The following PLBD2 variants were observed in gnomAD, a reference collection of about 807,000 sequenced individuals.
PLBD2 encodes the protein phospholipase B domain containing 2.
A neutral mutation model predicts 68.3 loss-of-function variants in PLBD2; 51 were observed. The ratio of observed to expected loss-of-function variants is 0.75; its 90% CI spans 0.60 to 0.94. The LOEUF is 0.94. PLBD2 is among the 40% of genes least tolerant of loss of function. PLBD2 has a pLI of 0.00. For synonymous variants in PLBD2, 314 were observed against 339.3 expected (o/e 0.93, Z 0.82); for missense variants, 729 against 792.2 (o/e 0.92, Z 0.96).
At chr12:113,382,835 T>TTTTTGTGTGTGTGTGTGTGTGTG (rs1335785271) in intron 6 of PLBD2, among the ~76,000 whole-genome samples, 2 of 106,536 alleles carry the variant, frequency 1.9e-5, no homozygotes, top group African/African-American at 7.7e-5. Context: ...TGGTGGTTTT[T>TTTTTGTGTGTGTGTGTGTGTGTG]TGTGTGTGTG....
chr12:113,372,586 G>A lies in PLBD2; in HGVS notation c.385-63G>A. ...CCGCTCTGGGGCAGCCTGGGTGGGG[G>A]GCTCTCAGGGAAGAGAGCACCCCAG... On this transcript the variant is annotated intron_variant, in intron 2 of 11. Coordinates refer to ENST00000280800, the MANE Select transcript of PLBD2 (RefSeq NM_173542.4). This position sits in a 1 kb window ranked among gnomAD's most constrained non-coding sequence, Gnocchi z 4.2. 1 of 1,544,386 alleles carries A rather than the reference G, an allele frequency of 6.5e-7. No homozygotes were observed. Among genetic ancestry groups the A allele is most frequent in the Non-Finnish European group, 8.8e-7 (1 of 1,132,134 alleles).
intron 6 of PLBD2, among the ~76,000 whole-genome samples, chr12:113,383,846 A>C (rs34591073): frequency 0.029 from 4,334 of 151,700 alleles, 86 homozygotes; most frequent in Middle Eastern, 0.092. Flanking sequence ...TAAAAATACA[A>C]AAGTTAGCCA....
At position 113,391,558 on chromosome 12, in the gene PLBD2, T is replaced by TA. The variant is rs1388141089; in HGVS notation, c.*2933dup. ...TAGATAGTAAACAAAATAAATGAAA[T>TA]ATGCAGTGTGTCAGTGCTGGTAAAC... On this transcript the variant is annotated 3_prime_UTR_variant, in exon 12 of 12. Transcript: ENST00000280800. The TA allele has an allele frequency of 1.3e-5, 2 of 152,320 alleles. No homozygotes were observed. The highest frequency in any genetic ancestry group is 4.8e-5 in the African/African-American group (2 of 41,572). 9.4% of individuals were successfully genotyped at this position (152,320 alleles called of 1,614,324 possible).
Position 113,388,801 on chromosome 12 carries a change from C to A in PLBD2, c.*175C>A. The A allele has an allele frequency of 1.7e-6, 1 of 588,948 alleles. No homozygotes were observed. The allele number at this position is 588,948 out of a possible 1,614,324, so 36.5% of individuals were successfully genotyped here. ...CGAACCTGATGGGGCTCAGAACTGA[C>A]CCCCTCTCTCCCCCGAGGTGGGTGG... On this transcript the variant is annotated 3_prime_UTR_variant, in exon 12 of 12. Transcript: ENST00000280800.
At chr12:113,373,390 G>C (rs1386648582) in intron 3 of PLBD2, among the ~76,000 whole-genome samples, 3 of 152,226 alleles carry the variant, frequency 2.0e-5, no homozygotes, top group African/African-American at 7.2e-5. Flanking sequence ...GGCTGTCTCT[G>C]TAAAGTGGCC....
At position 113,384,123 on chromosome 12, in the gene PLBD2, A is replaced by AT; in HGVS notation, c.978dup (p.Gly327TrpfsTer49). ...CCCACAGGTGACACTGGAGACCACCATTGGCAACAAGAACCCAGCCCTGTG... is the reference window on the plus strand; with the variant it reads ...CCCACAGGTGACACTGGAGACCACCATTTGGCAACAAGAACCCAGCCCTGTG... On this transcript the variant is annotated frameshift_variant, in exon 7 of 12. Transcript: ENST00000280800. This position sits in a 1 kb window ranked among gnomAD's most constrained non-coding sequence, Gnocchi z 4.2. The AT allele has an allele frequency of 6.2e-7, 1 of 1,610,806 alleles. No homozygotes were observed. The highest frequency in any genetic ancestry group is 1.3e-5 in the African/African-American group (1 of 74,940).
chr12:113,386,168 G>A (rs1022793382), intron 9 of PLBD2, among the ~76,000 whole-genome samples: 9 of 151,818 alleles, frequency 5.9e-5, no homozygotes, highest in Admixed American at 5.9e-4. Flanking sequence ...GTCATAGTTG[G>A]TTTTGTTGTT....
At chr12:113,366,532 A>G (rs986888884) in intron 1 of PLBD2, among the ~76,000 whole-genome samples, 2 of 151,780 alleles carry the variant, frequency 1.3e-5, no homozygotes, top group Non-Finnish European at 2.9e-5. Flanking sequence ...GCTGGAGTGC[A>G]GTGGAATGAT....
Position 113,387,835 on chromosome 12 carries a change from C to T in PLBD2, c.1531C>T (p.Leu511Phe). The T allele has an allele frequency of 1.2e-6, 2 of 1,614,244 alleles. No individual in the cohort carries two copies. Among genetic ancestry groups the T allele is most frequent in the African/African-American group, 1.3e-5 (1 of 75,074 alleles). Residue 511 changes from leucine (L) to phenylalanine (F), a missense_variant, in exon 11 of 12, where the codon CTC (leucine) becomes TTC (phenylalanine). Physicochemically the swap from Leu to Phe is conservative, Grantham distance 22. Coordinates refer to ENST00000280800, the MANE Select transcript of PLBD2 (RefSeq NM_173542.4). ...GAATGCTATCTCCGCCCGCTCCGAC[C>T]TCAACCCGGCCAATGGCTCCTACCC... Reference protein sequence around the residue: ...GENAISARSDLNPANGSYPFQ... With the variant: ...GENAISARSDFNPANGSYPFQ...
chr12:113,369,045 A>T, intron 1 of PLBD2, 71 bp from the exon 2 acceptor site: 1 of 1,032,136 alleles, frequency 9.7e-7, no homozygotes. Context: ...TTCATAGTTT[A>T]AGCCTGGAGA....
intron 1 of PLBD2, among the ~76,000 whole-genome samples, chr12:113,367,510 G>A (rs1957350837): frequency 6.6e-6 from 1 of 152,130 alleles, no homozygotes; most frequent in African/African-American, 2.4e-5. Context: ...ATCACTTTGG[G>A]AGGCCGAGGC....
At chr12:113,366,854 C>G (rs1957346759) in intron 1 of PLBD2, among the ~76,000 whole-genome samples, 1 of 150,858 alleles carries the variant, frequency 6.6e-6, no homozygotes, top group Admixed American at 6.6e-5. Context: ...CAGAGTCATG[C>G]TCTGTCACCC....
intron 1 of PLBD2, 38 bp downstream of exon 1, chr12:113,358,928 G>C: frequency 2.7e-6 from 4 of 1,481,656 alleles, no homozygotes; most frequent in Non-Finnish European, 3.6e-6. Flanking sequence ...GCCATCGGGG[G>C]AGGGGGATGC....
rs141116546 is a variant in PLBD2 at position 113,380,733 on chromosome 12, C to G, written c.860-12C>G. 360 of 1,547,152 alleles carry G rather than the reference C, an allele frequency of 2.3e-4. No individual in the cohort carries two copies. In the African/African-American group the frequency reaches 4.4e-3, roughly 19 times the overall value. The stretch of plus-strand genomic sequence containing the variant: ...GTCTGACCAGCATCCCTGGCTCGCT[C>G]TGCCTGCACAGGGGACTACCCGCTG... On this transcript the variant is annotated splice_polypyrimidine_tract_variant and intron_variant, in intron 5 of 11. Transcript: ENST00000280800.
At chr12:113,386,801 G>A (rs1467941240) in intron 9 of PLBD2, 136 bp from the exon 10 acceptor site, 1 of 1,007,900 alleles carries the variant, frequency 9.9e-7, no homozygotes, top group East Asian at 3.0e-5. Context: ...TTACAGGTGT[G>A]AGCCACTGCA....
chr12:113,385,132 T>TC, intron 8 of PLBD2, 80 bp from the exon 9 acceptor site: 2 of 1,470,358 alleles, frequency 1.4e-6, no homozygotes, highest in Non-Finnish European at 1.9e-6. Flanking sequence ...TGGGGAGCCA[T>TC]CGGGGCTCCC....
chr12:113,387,037 CG>C lies in PLBD2; in HGVS notation c.1389del (p.Arg464GlyfsTer15). ...YDGSPRAQIF[R>X]RNQSLVQDMD... Reference sequence around the variant, plus strand: ...CGGGAGCCCCCGGGCCCAGATCTTCCGGCGGAACCAGTCACTGGTACAAGAC... The same window carrying C: ...CGGGAGCCCCCGGGCCCAGATCTTCCGCGGAACCAGTCACTGGTACAAGAC... On this transcript the variant is annotated frameshift_variant, in exon 10 of 12. Coordinates refer to ENST00000280800, the MANE Select transcript of PLBD2 (RefSeq NM_173542.4). LOFTEE classifies it high-confidence loss of function. The C allele has an allele frequency of 6.2e-7, 1 of 1,611,426 alleles. No homozygotes were observed. Among genetic ancestry groups the C allele is most frequent in the Admixed American group, 1.7e-5 (1 of 59,532 alleles).
intron 1 of PLBD2, chr12:113,359,206 G>A (rs1957263922): frequency 5.8e-6 from 2 of 342,216 alleles, no homozygotes; most frequent in Non-Finnish European, 5.3e-6. Flanking sequence ...TGGCTGGTGG[G>A]TAAATTCTAT....
chr12:113,385,137 G>T, intron 8 of PLBD2, 75 bp from the exon 9 acceptor site: 1 of 1,516,350 alleles, frequency 6.6e-7, no homozygotes, highest in Non-Finnish European at 9.1e-7. Context: ...AGCCATCGGG[G>T]CTCCCCGAGC....
Sources: allele counts gnomAD v4.1 joint callset (sites outside exome capture counted in the v4.1 genomes callset), GRCh38; gene constraint gnomAD v4.1.1; non-coding constraint Gnocchi (gnomAD v3.1); transcripts MANE v1.5; gene names NCBI Gene and HGNC (gene_info 2026-07-23, HGNC 2026-07-21).